Variants in SMG6 observed in about 807,000 individuals in gnomAD.
The protein encoded by SMG6 is SMG6 nonsense mediated mRNA decay factor.
SMG6 carries 66 observed loss-of-function variants against 142.2 expected under a neutral mutation model. That is an observed-to-expected ratio of 0.46 (90% CI 0.38 to 0.57). The LOEUF (loss-of-function observed/expected upper bound fraction) is 0.57. SMG6 is among the 20% of genes least tolerant of loss of function. The pLI is 0.00. For synonymous variants in SMG6, 779 were observed against 702.4 expected, an observed-to-expected ratio of 1.11 and a Z score of -1.72; for missense variants, 1,793 against 1,832.0, an observed-to-expected ratio of 0.98 and a Z score of 0.39.
chr17:2,273,954 A>G (rs1410922870), intron 8 of SMG6, among the ~76,000 whole-genome samples: 2 of 152,258 alleles, frequency 1.3e-5, no homozygotes, highest in East Asian at 3.8e-4. Flanking sequence ...GAATGTATAG[A>G]ACATAACCAC....
At chr17:2,296,530 C>T (rs953061806) in intron 4 of SMG6, among the ~76,000 whole-genome samples, 5 of 152,188 alleles carry the variant, frequency 3.3e-5, no homozygotes, top group African/African-American at 9.7e-5. Flanking sequence ...CACCTGAACC[C>T]TAACTCCTGT....
Position 2,068,692 on chromosome 17 carries a change from C to T in SMG6, c.3835+86G>A. 7.0e-6 allele frequency: 10 copies of T among 1,432,720 alleles called. No homozygotes were observed. Among genetic ancestry groups the T allele is most frequent in the Non-Finnish European group, 9.5e-6 (10 of 1,050,604 alleles). The allele number at this position is 1,432,720 out of a possible 1,614,324, so 88.8% of individuals were successfully genotyped here. On this transcript the variant is annotated intron_variant, in intron 16 of 18. Coordinates refer to ENST00000263073, the MANE Select transcript of SMG6 (RefSeq NM_017575.5). The surrounding 1 kb of genome is among the most constrained non-coding windows in gnomAD (Gnocchi z 6.7). ...CTTACACACGCACAGCAGGGCTCTG[C>T]CTGCCTGGCCCCCAGGCCGTGGGGC...
chr17:2,269,572 T>C (rs2074502937), intron 8 of SMG6, among the ~76,000 whole-genome samples: 1 of 152,120 alleles, frequency 6.6e-6, no homozygotes. Context: ...GCTCCTTTGC[T>C]AACCAACTTT....
chr17:2,249,050 T>C (rs538517090), intron 8 of SMG6, among the ~76,000 whole-genome samples: 30 of 150,686 alleles, frequency 2.0e-4, no homozygotes, highest in East Asian at 1.6e-3. Flanking sequence ...CCACGCCCCG[T>C]TAATTTTTTT....
rs574518860 is a variant in SMG6 at position 2,089,333 on chromosome 17, G to A, written c.3358-3432C>T. Among the ~76,000 whole-genome samples the A allele has an allele frequency of 9.2e-5, 14 of 152,180 alleles. 2 individuals carry two copies. Among genetic ancestry groups the A allele is most frequent in the African/African-American group, 2.4e-4 (10 of 41,538 alleles). ...GTGGGGCTGGACTGGGGATAGAGGCGACTAAAAGGGCCGCCAGCCAGGGAA... is the reference window on the plus strand; with the variant it reads ...GTGGGGCTGGACTGGGGATAGAGGCAACTAAAAGGGCCGCCAGCCAGGGAA... On this transcript the variant is annotated intron_variant, in intron 13 of 18. Transcript: ENST00000263073.
chr17:2,176,917 G>A (rs984885254), intron 12 of SMG6, among the ~76,000 whole-genome samples: 2 of 152,190 alleles, frequency 1.3e-5, no homozygotes, highest in Non-Finnish European at 2.9e-5. Flanking sequence ...ACTTTTTATT[G>A]CCTCAGAATT....
intron 2 of SMG6, 126 bp from the exon 3 acceptor site, chr17:2,298,181 A>C (rs886915781): frequency 1.3e-6 from 1 of 757,130 alleles, no homozygotes; most frequent in Non-Finnish European, 2.1e-6. Context: ...CCAGGTAGGT[A>C]TACTACTCAC....
chr17:2,142,087 A>G (rs1318325320), intron 13 of SMG6, among the ~76,000 whole-genome samples: 1 of 152,134 alleles, frequency 6.6e-6, no homozygotes, highest in African/African-American at 2.4e-5. Flanking sequence ...CTGGACTCCA[A>G]TGCCTGGGCT....
At chr17:2,194,276 A>G (rs1048542907) in intron 10 of SMG6, among the ~76,000 whole-genome samples, 16 of 152,200 alleles carry the variant, frequency 1.1e-4, no homozygotes, top group African/African-American at 3.6e-4. Context: ...ACAGTGAGGG[A>G]GCACTCACTC....
intron 13 of SMG6, among the ~76,000 whole-genome samples, chr17:2,145,392 C>T (rs1322466719): frequency 6.6e-6 from 1 of 151,494 alleles, no homozygotes; most frequent in East Asian, 2.0e-4. Context: ...GCTGGGATTA[C>T]AGGCGTGAGC....
At chr17:2,080,115 A>G (rs1272783779) in intron 15 of SMG6, among the ~76,000 whole-genome samples, 3 of 145,306 alleles carry the variant, frequency 2.1e-5, no homozygotes, top group African/African-American at 7.8e-5. Context: ...AAAACAAAAC[A>G]AAACAAAAGA....
At position 2,172,869 on chromosome 17, in the gene SMG6, A is replaced by C; in HGVS notation, c.3156-10T>G. ...TACATCCACAGCAACACTGTGAGAAATAAGGTAAGAAAAGAGCAGCTCTAA... is the reference window on the plus strand; with the variant it reads ...TACATCCACAGCAACACTGTGAGAACTAAGGTAAGAAAAGAGCAGCTCTAA... On this transcript the variant is annotated splice_polypyrimidine_tract_variant and intron_variant, in intron 12 of 18. Coordinates refer to ENST00000263073, the MANE Select transcript of SMG6 (RefSeq NM_017575.5). The C allele has an allele frequency of 6.2e-7, 1 of 1,613,758 alleles. No homozygotes were observed. Among genetic ancestry groups the C allele is most frequent in the African/African-American group, 1.3e-5 (1 of 75,062 alleles).
intron 9 of SMG6, among the ~76,000 whole-genome samples, chr17:2,242,356 C>CAA (rs57062488): frequency 1.1e-4 from 8 of 73,506 alleles, no homozygotes; most frequent in East Asian, 3.6e-4. Context: ...ACTGAAGATA[C>CAA]AAAAAAAAAA....
chr17:2,224,071 A>T (rs1016178919), intron 10 of SMG6, among the ~76,000 whole-genome samples: 3 of 152,264 alleles, frequency 2.0e-5, no homozygotes, highest in Admixed American at 6.5e-5. Flanking sequence ...AGTATGTTAA[A>T]CATCTTTTTG....
chr17:2,218,316 G>A (rs2073077044), intron 10 of SMG6, among the ~76,000 whole-genome samples: 1 of 152,170 alleles, frequency 6.6e-6, no homozygotes. Context: ...TTGGGAGGCT[G>A]AGGTGGGCAG....
intron 8 of SMG6, 23 bp downstream of exon 8, chr17:2,282,624 T>C (rs373127588): frequency 1.8e-4 from 290 of 1,611,984 alleles, no homozygotes; most frequent in Non-Finnish European, 2.3e-4. Context: ...GTTTGGCTCA[T>C]TGCATCATTC....
At position 2,085,810 on chromosome 17, in the gene SMG6, C is replaced by A. The variant is rs1271882810; in HGVS notation, c.3449G>T (p.Gly1150Val). Reference protein sequence around the residue: ...GQEEPLLAFKGGKYVSVAPVP... With the variant: ...GQEEPLLAFKVGKYVSVAPVP... ...GGGTGCCACTGACACATACTTTCCA[C>A]CCTTGAATGCCAGCAGAGGCTCTTC... Residue 1150 changes from glycine to valine, a missense_variant, in exon 14 of 19, where the codon GGT becomes GTT. Coordinates refer to ENST00000263073, the MANE Select transcript of SMG6 (RefSeq NM_017575.5). This position sits in a 1 kb window ranked among gnomAD's most constrained non-coding sequence, Gnocchi z 4.1. 6.2e-7 allele frequency: 1 copy of A among 1,614,172 alleles called. No homozygotes were observed. Among genetic ancestry groups the A allele is most frequent in the East Asian group, 2.2e-5 (1 of 44,890 alleles).
At chr17:2,184,061 A>C (rs1425087548) in intron 12 of SMG6, among the ~76,000 whole-genome samples, 2 of 152,222 alleles carry the variant, frequency 1.3e-5, no homozygotes, top group Non-Finnish European at 2.9e-5. Context: ...GAATCAGCAC[A>C]GACACAGACA....
At position 2,061,129 on chromosome 17, in the gene SMG6, G is replaced by C. The variant is rs180873098; in HGVS notation, c.*363C>G. The C allele has an allele frequency of 1.1e-4, 23 of 212,738 alleles. No homozygotes were observed. In the East Asian group the frequency reaches 1.8e-3, roughly 17 times the overall value. The allele number at this position is 212,738 out of a possible 1,614,324, so 13.2% of individuals were successfully genotyped here. On this transcript the variant is annotated 3_prime_UTR_variant, in exon 19 of 19. Coordinates refer to ENST00000263073, the MANE Select transcript of SMG6 (RefSeq NM_017575.5). ...GAACCCCTGCCCTGTCTCCACTGGA[G>C]AAAGTGGCTGCGTCCCCAGGCGAGA...
Sources: gnomAD v4.1 joint callset for allele counts (sites outside exome capture counted in the v4.1 genomes callset) on GRCh38, gnomAD v4.1.1 for gene constraint, Gnocchi (gnomAD v3.1) non-coding constraint, MANE v1.5 for transcripts, NCBI Gene and HGNC (gene_info 2026-07-23, HGNC 2026-07-21) for gene names.